Variants in C1orf87 observed in about 807,000 individuals in gnomAD.
The protein encoded by C1orf87 is uncharacterized protein C1orf87.
C1orf87 carries 58 observed loss-of-function variants against 60.5 expected under a neutral mutation model. That is an observed-to-expected ratio of 0.96 (90% CI 0.78 to 1.19). The LOEUF (loss-of-function observed/expected upper bound fraction) is 1.19. C1orf87 is among the 50% of genes most tolerant of loss of function. The pLI, the probability that C1orf87 is intolerant of heterozygous loss-of-function variation, is 0.00. For missense variants in C1orf87, 673 were observed against 638.6 expected (o/e 1.05, Z -0.58); for synonymous variants, 236 against 227.4 (o/e 1.04, Z -0.34).
At chr1:60,022,392 A>G (rs1645169942) in intron 8 of C1orf87, among the ~76,000 whole-genome samples, 1 of 152,106 alleles carries the variant, frequency 6.6e-6, no homozygotes, top group African/African-American at 2.4e-5. Flanking sequence ...TAAATAAATT[A>G]AATCAATAAT....
At chr1:59,990,919 C>T in intron 11 of C1orf87, 86 bp from the exon 12 acceptor site, 1 of 1,331,188 alleles carries the variant, frequency 7.5e-7, no homozygotes, top group Non-Finnish European at 1.0e-6. Context: ...GAATGACTTC[C>T]AGGTAAAGAC....
At chr1:60,056,489 G>T (rs1199304952) in intron 2 of C1orf87, among the ~76,000 whole-genome samples, 2 of 152,136 alleles carry the variant, frequency 1.3e-5, no homozygotes, top group Non-Finnish European at 2.9e-5. Flanking sequence ...CTTTGCTTGT[G>T]ATAAAGGGTA....
chr1:60,068,530 T>A (rs1309936081), intron 2 of C1orf87, among the ~76,000 whole-genome samples: 1 of 152,160 alleles, frequency 6.6e-6, no homozygotes, highest in Non-Finnish European at 1.5e-5. Context: ...GTGTATCACC[T>A]ATCTCAACAC....
rs531884527 is a variant in C1orf87 at position 59,997,903 on chromosome 1, C to G, written c.1273-87G>C. ...GCCAAAGATGAGGCCACACAACTAG[C>G]AAGATTTATAGCAAGGTTTGAGTTT... On this transcript the variant is annotated intron_variant, in intron 10 of 11. Transcript: ENST00000371201. 556 of 1,276,242 alleles carry G rather than the reference C, an allele frequency of 4.4e-4. 6 individuals are homozygous for G. In the South Asian group the frequency reaches 7.2e-3, roughly 17 times the overall value. 79.1% of individuals were successfully genotyped at this position (1,276,242 alleles called of 1,614,324 possible).
At position 60,064,700 on chromosome 1, in the gene C1orf87, TTATTTCAATATATA is replaced by T. The variant is rs2100330989; in HGVS notation, c.107+7823_107+7836del. On this transcript the variant is annotated intron_variant, in intron 2 of 11. Transcript: ENST00000371201. Reference sequence around the variant, plus strand: ...AAATATATATTTATATATAAATATATTATTTCAATATATATAAATATATTTAAATATATTTAAAT... The same window carrying T: ...AAATATATATTTATATATAAATATATTAAATATATTTAAATATATTTAAAT... 2.9e-5 allele frequency among the ~76,000 whole-genome samples: 3 copies of T among 104,496 alleles called. No homozygotes were observed. The South Asian group carries it at 7.4e-4, about 26-fold the overall frequency. The allele number at this position is 104,496 out of a possible 152,430, so 68.6% of individuals were successfully genotyped here.
intron 7 of C1orf87, among the ~76,000 whole-genome samples, chr1:60,030,473 TA>T (rs1427998301): frequency 6.6e-6 from 1 of 152,012 alleles, no homozygotes; most frequent in African/African-American, 2.4e-5. Flanking sequence ...AGGCTATCAG[TA>T]AGGGGACTCC....
chr1:59,998,857 G>A (rs976998570), intron 10 of C1orf87, among the ~76,000 whole-genome samples: 1 of 152,060 alleles, frequency 6.6e-6, no homozygotes, highest in Admixed American at 6.6e-5. Flanking sequence ...AAGTCTTGAT[G>A]GTGTTAGAGT....
chr1:60,070,352 G>A (rs1408412047), intron 2 of C1orf87, among the ~76,000 whole-genome samples: 3 of 152,054 alleles, frequency 2.0e-5, no homozygotes, highest in Non-Finnish European at 4.4e-5. Flanking sequence ...TTTTGGAGAA[G>A]CCTTTATTTT....
At chr1:60,001,200 C>T (rs1332607800) in intron 9 of C1orf87, 44 bp from the exon 10 acceptor site, 1 of 1,412,142 alleles carries the variant, frequency 7.1e-7, no homozygotes. Flanking sequence ...TTAGCTTGGT[C>T]TCTTCATTTA....
intron 8 of C1orf87, among the ~76,000 whole-genome samples, chr1:60,011,975 C>G (rs1393616832): frequency 6.6e-6 from 1 of 151,932 alleles, no homozygotes; most frequent in Non-Finnish European, 1.5e-5. Context: ...TGTGGTAGGT[C>G]TAGGCAGGTA....
intron 3 of C1orf87, among the ~76,000 whole-genome samples, chr1:60,048,242 C>T (rs1014430833): frequency 5.9e-5 from 9 of 152,094 alleles, no homozygotes; most frequent in African/African-American, 2.2e-4. Context: ...AGAGAGAAGC[C>T]CAAATGAGGA....
chr1:60,068,625 CTT>C (rs1463713507), intron 2 of C1orf87, among the ~76,000 whole-genome samples: 1 of 152,200 alleles, frequency 6.6e-6, no homozygotes, highest in Non-Finnish European at 1.5e-5. Flanking sequence ...CACATACTGT[CTT>C]TATCATTCTC....
intron 10 of C1orf87, among the ~76,000 whole-genome samples, chr1:60,000,574 A>C (rs1258854471): frequency 3.3e-5 from 5 of 152,092 alleles, no homozygotes; most frequent in African/African-American, 1.2e-4. Context: ...TCCTGGCTAA[A>C]TGCTGGGAAT....
chr1:60,070,836 T>G (rs1038882727), intron 2 of C1orf87, among the ~76,000 whole-genome samples: 3 of 152,190 alleles, frequency 2.0e-5, no homozygotes, highest in Admixed American at 6.5e-5. Flanking sequence ...AAGCTAACTT[T>G]TCACTATTTT....
intron 9 of C1orf87, among the ~76,000 whole-genome samples, chr1:60,002,639 A>C (rs898369118): frequency 6.6e-6 from 1 of 152,054 alleles, no homozygotes; most frequent in Non-Finnish European, 1.5e-5. Flanking sequence ...TAGTTTAATT[A>C]GATCCCATTT....
intron 2 of C1orf87, among the ~76,000 whole-genome samples, chr1:60,069,610 C>T (rs1424421476): frequency 2.6e-5 from 4 of 152,144 alleles, no homozygotes; most frequent in Non-Finnish European, 5.9e-5. Flanking sequence ...TGAGCAGTTA[C>T]ACAGGTTAAC....
intron 8 of C1orf87, among the ~76,000 whole-genome samples, chr1:60,019,249 C>A (rs1645145440): frequency 1.3e-5 from 2 of 152,150 alleles, no homozygotes; most frequent in South Asian, 4.2e-4. Flanking sequence ...TGTGGCACGT[C>A]CCCCTCACTG....
intron 11 of C1orf87, 141 bp from the exon 12 acceptor site, chr1:59,990,974 G>T: frequency 1.3e-6 from 1 of 765,928 alleles, no homozygotes; most frequent in Non-Finnish European, 2.0e-6. Flanking sequence ...AAAATCAAGT[G>T]GCATATTAAA....
chr1:60,002,769 A>C (rs1247341848), intron 9 of C1orf87, among the ~76,000 whole-genome samples: 1 of 152,020 alleles, frequency 6.6e-6, no homozygotes, highest in East Asian at 1.9e-4. Flanking sequence ...AACCACAATG[A>C]GATACCATCT....
Sources: gnomAD v4.1 joint callset for allele counts (sites outside exome capture counted in the v4.1 genomes callset) on GRCh38, gnomAD v4.1.1 for gene constraint, MANE v1.5 for transcripts, NCBI Gene and HGNC (gene_info 2026-07-23, HGNC 2026-07-21) for gene names.